Variants in GRM8 observed in about 807,000 individuals in gnomAD.
GRM8 encodes metabotropic glutamate receptor 8.
A neutral mutation model predicts 87.2 loss-of-function variants in GRM8; 47 were observed. The ratio of observed to expected loss-of-function variants is 0.54; its 90% confidence interval spans 0.43 to 0.69. GRM8 has a LOEUF of 0.69. GRM8 is among the 30% of genes least tolerant of loss of function. The pLI is 0.00. For synonymous variants in GRM8, 396 were observed against 404.5 expected, an observed-to-expected ratio of 0.98 and a Z score of 0.25; for missense variants, 1,019 against 1,139.2, an observed-to-expected ratio of 0.89 and a Z score of 1.52.
intron 7 of GRM8, among the ~76,000 whole-genome samples, chr7:126,727,739 A>ACACACACC (rs1410017859): frequency 9.6e-5 from 14 of 145,616 alleles, no homozygotes; most frequent in African/African-American, 3.5e-4. Context: ...ACACACACAC[A>ACACACACC]CCCCTAAAAA....
chr7:126,722,740 T>C (rs946687782), intron 7 of GRM8, among the ~76,000 whole-genome samples: 2 of 151,748 alleles, frequency 1.3e-5, no homozygotes, highest in Non-Finnish European at 2.9e-5. Context: ...ATCACAATAA[T>C]AATTGTGGGT....
At chr7:126,972,389 G>C (rs1003378582) in intron 3 of GRM8, among the ~76,000 whole-genome samples, 1 of 152,014 alleles carries the variant, frequency 6.6e-6, no homozygotes, top group Non-Finnish European at 1.5e-5. Flanking sequence ...TATTCACCAG[G>C]CATCTCTACA....
intron 3 of GRM8, among the ~76,000 whole-genome samples, chr7:126,975,598 T>C (rs1253040023): frequency 6.6e-6 from 1 of 152,226 alleles, no homozygotes; most frequent in Non-Finnish European, 1.5e-5. Flanking sequence ...GGCATGCGCC[T>C]ACCCTCAACT....
chr7:126,648,203 T>C (rs1453496843), intron 7 of GRM8, among the ~76,000 whole-genome samples: 2 of 152,150 alleles, frequency 1.3e-5, no homozygotes, highest in Non-Finnish European at 2.9e-5. Flanking sequence ...CCTGTCAGTG[T>C]CACCAAAGAG....
At chr7:126,772,363 C>T (rs74932566) in intron 6 of GRM8, among the ~76,000 whole-genome samples, 2,797 of 152,200 alleles carry the variant, frequency 0.018, 97 homozygotes, top group African/African-American at 0.064. Context: ...TATTTTGCAT[C>T]GCTGAACTTG....
intron 2 of GRM8, among the ~76,000 whole-genome samples, chr7:127,131,082 G>C (rs1443800788): frequency 6.6e-6 from 1 of 152,198 alleles, no homozygotes; most frequent in Non-Finnish European, 1.5e-5. Context: ...AGAAACCTTA[G>C]TGCAGGAGTT....
intron 8 of GRM8, among the ~76,000 whole-genome samples, chr7:126,553,906 C>A (rs896489012): frequency 6.6e-6 from 1 of 152,108 alleles, no homozygotes; most frequent in South Asian, 2.1e-4. Flanking sequence ...AGTGGCAGGG[C>A]AGTTAGTTTC....
At chr7:126,608,000 G>A (rs1798533621) in intron 8 of GRM8, among the ~76,000 whole-genome samples, 3 of 151,934 alleles carry the variant, frequency 2.0e-5, no homozygotes, top group Admixed American at 1.3e-4. Context: ...TCTAAACCTC[G>A]ACTGAGACTA....
intron 6 of GRM8, among the ~76,000 whole-genome samples, chr7:126,772,195 T>G (rs2151613889): frequency 6.6e-6 from 1 of 152,232 alleles, no homozygotes; most frequent in Admixed American, 6.6e-5. Context: ...ACTGAAGGGC[T>G]TCTCAGGACC....
At chr7:127,013,788 C>T (rs1815126479) in intron 3 of GRM8, among the ~76,000 whole-genome samples, 1 of 152,096 alleles carries the variant, frequency 6.6e-6, no homozygotes, top group Non-Finnish European at 1.5e-5. Flanking sequence ...GAAGGAATGT[C>T]AAGCATAAAA....
At chr7:126,956,955 G>A (rs1398677158) in intron 3 of GRM8, among the ~76,000 whole-genome samples, 3 of 152,040 alleles carry the variant, frequency 2.0e-5, no homozygotes, top group South Asian at 2.1e-4. Flanking sequence ...AATAATCTAC[G>A]CAATGAAAGA....
intron 2 of GRM8, among the ~76,000 whole-genome samples, chr7:127,189,173 G>A (rs1177524509): frequency 1.3e-5 from 2 of 152,160 alleles, no homozygotes; most frequent in African/African-American, 4.8e-5. Context: ...ACCTAAGCAG[G>A]TTTGAGCTAT....
chr7:127,123,753 T>G (rs1012445446), intron 2 of GRM8, among the ~76,000 whole-genome samples: 1 of 152,178 alleles, frequency 6.6e-6, no homozygotes, highest in East Asian at 1.9e-4. Flanking sequence ...TGTTTCAATA[T>G]GGGTCAAATA....
intron 7 of GRM8, among the ~76,000 whole-genome samples, chr7:126,749,912 C>CT (rs1421627650): frequency 3.3e-5 from 5 of 152,128 alleles, no homozygotes; most frequent in African/African-American, 1.2e-4. Context: ...GGTATGGTCA[C>CT]TTTAGAAAAC....
chr7:126,621,862 A>T (rs1300157553), intron 7 of GRM8, among the ~76,000 whole-genome samples: 1 of 152,080 alleles, frequency 6.6e-6, no homozygotes, highest in East Asian at 1.9e-4. Flanking sequence ...TCACTGCAAC[A>T]ATTCTATGAT....
chr7:127,074,445 C>T lies in GRM8; in HGVS notation c.727+32051G>A, dbSNP rs1822051342. On this transcript the variant is annotated intron_variant, in intron 3 of 10. Transcript: ENST00000339582. Reference sequence around the variant, plus strand: ...GAAAAGAATGAGGCAGGGGGCTGCTCCTCCTCTGGGGACAGAGCTTCTGAG... The same window carrying T: ...GAAAAGAATGAGGCAGGGGGCTGCTTCTCCTCTGGGGACAGAGCTTCTGAG... Among the ~76,000 whole-genome samples, 3 of 152,138 alleles carry T rather than the reference C, an allele frequency of 2.0e-5. No homozygotes were observed. The South Asian group carries it at 6.2e-4, about 32-fold the overall frequency.
At chr7:126,529,267 C>G (rs1814416213) in intron 9 of GRM8, among the ~76,000 whole-genome samples, 2 of 152,090 alleles carry the variant, frequency 1.3e-5, no homozygotes. Context: ...ACTTAAATCA[C>G]AAATACGCAT....
intron 8 of GRM8, among the ~76,000 whole-genome samples, chr7:126,587,909 T>A (rs569489040): frequency 1.4e-5 from 2 of 142,862 alleles, no homozygotes; most frequent in African/African-American, 2.6e-5. Flanking sequence ...ATCCCAAGAT[T>A]AAAAAAAAAA....
chr7:126,846,927 A>G (rs1001383590), intron 6 of GRM8, among the ~76,000 whole-genome samples: 4 of 152,166 alleles, frequency 2.6e-5, no homozygotes, highest in Admixed American at 6.6e-5. Context: ...ACCACAGTAT[A>G]AAATGCAAGA....
Sources: gnomAD v4.1 joint callset for allele counts (sites outside exome capture counted in the v4.1 genomes callset) on GRCh38, gnomAD v4.1.1 for gene constraint, MANE v1.5 for transcripts, NCBI Gene and HGNC (gene_info 2026-07-23, HGNC 2026-07-21) for gene names.